The following DENND4C variants were observed in gnomAD, a reference collection of about 807,000 sequenced individuals.
DENND4C encodes DENN domain-containing protein 4C.
A neutral mutation model predicts 203.0 loss-of-function variants in DENND4C; 108 were observed. That is an observed-to-expected ratio of 0.53 (90% CI 0.46 to 0.62). The LOEUF (loss-of-function observed/expected upper bound fraction) is 0.62, where lower values mean the gene tolerates loss of function less well. Ranked by LOEUF, DENND4C falls within the 20% of genes least tolerant of loss-of-function variation. The pLI, the probability that DENND4C is intolerant of heterozygous loss-of-function variation, is 0.00. For synonymous variants in DENND4C, 871 were observed against 792.4 expected (o/e 1.10, Z -1.67); for missense variants, 2,481 against 2,301.2 (o/e 1.08, Z -1.60).
At chr9:19,315,599 GTATA>G (rs900901713) in intron 10 of DENND4C, among the ~76,000 whole-genome samples, 6 of 149,890 alleles carry the variant, frequency 4.0e-5, no homozygotes, top group African/African-American at 9.8e-5. Flanking sequence ...GTATGTGTGT[GTATA>G]TATATACACA....
Position 19,335,110 on chromosome 9 carries a change from G to A in DENND4C, c.2589+5G>A. ...ACTTATGGTTATTATAATAAGGTAAGTAGGATCGACATTAGGCAAGATGTG... is the reference window on the plus strand; with the variant it reads ...ACTTATGGTTATTATAATAAGGTAAATAGGATCGACATTAGGCAAGATGTG... On this transcript the variant is annotated splice_donor_5th_base_variant and intron_variant, in intron 18 of 32. Coordinates refer to ENST00000434457, the MANE Select transcript of DENND4C (RefSeq NM_001330640.2). 1 of 1,564,660 alleles carries A rather than the reference G, an allele frequency of 6.4e-7. No homozygotes were observed. The highest frequency in any genetic ancestry group is 8.7e-7 in the Non-Finnish European group (1 of 1,155,724).
intron 20 of DENND4C, among the ~76,000 whole-genome samples, chr9:19,340,487 G>A (rs1300471655): frequency 6.6e-6 from 1 of 151,460 alleles, no homozygotes; most frequent in Non-Finnish European, 1.5e-5. Flanking sequence ...TTTTTAACAT[G>A]CAGAAGTGTA....
At chr9:19,255,036 C>T (rs913224202) in intron 1 of DENND4C, among the ~76,000 whole-genome samples, 1 of 151,884 alleles carries the variant, frequency 6.6e-6, no homozygotes, top group African/African-American at 2.4e-5. Context: ...TCCAGCGACT[C>T]GGGAGACTGA....
intron 26 of DENND4C, among the ~76,000 whole-genome samples, chr9:19,354,865 A>T (rs1825027338): frequency 3.3e-5 from 5 of 149,582 alleles, no homozygotes; most frequent in Non-Finnish European, 7.4e-5. Context: ...ATTTTCTATG[A>T]ATTGGTTGCT....
Position 19,371,805 on chromosome 9 carries a change from G to T in DENND4C, c.5725G>T (p.Glu1909Ter). The change falls in exon 32 of 33, where the codon GAG becomes TAG. Residue 1909 changes from glutamate to a stop codon, truncating the protein, a stop_gained. Transcript: ENST00000434457. LOFTEE classifies it high-confidence loss of function. ...CTTATCATTAGTGTCTCTAGGAAGA[G>T]AGAATATTGATATTGGTAAGTTGGT... is the stretch of plus-strand genomic sequence containing the variant. ...LFLSLVSLGRENIDIEAFDNE... is the reference protein window; with the variant it reads ...LFLSLVSLGR 1.4e-6 allele frequency: 2 copies of T among 1,454,770 alleles called. No homozygotes were observed. Among genetic ancestry groups the T allele is most frequent in the South Asian group, 2.4e-5 (2 of 81,904 alleles). 90.1% of individuals were successfully genotyped at this position (1,454,770 alleles called of 1,614,324 possible).
intron 23 of DENND4C, among the ~76,000 whole-genome samples, chr9:19,347,828 T>A (rs1554641726): frequency 6.6e-6 from 1 of 152,192 alleles, no homozygotes; most frequent in Non-Finnish European, 1.5e-5. Flanking sequence ...ACCTATGTAA[T>A]CTCCTTAATA....
intron 31 of DENND4C, 156 bp from the exon 32 acceptor site, chr9:19,371,600 A>G (rs1828843570): frequency 2.2e-6 from 1 of 461,446 alleles, no homozygotes; most frequent in Non-Finnish European, 3.9e-6. Context: ...GACACCTCAT[A>G]TAACTAACTG....
At chr9:19,276,883 T>C (rs561564405) in intron 2 of DENND4C, among the ~76,000 whole-genome samples, 157 of 152,258 alleles carry the variant, frequency 1.0e-3, no homozygotes, top group African/African-American at 3.8e-3. Flanking sequence ...CTTGTTTAAC[T>C]AAAGAGCAGT....
chr9:19,286,833 G>A lies in DENND4C; in HGVS notation c.370G>A (p.Gly124Ser). ...GCEVILATPY[G>S]RCANVNNSST... ...TGAAGTGATCCTAGCCACACCCTAT[G>A]GTCGCTGTGCCAATGTCAACAATAG... The change falls in exon 3 of 33, where the codon GGT becomes AGT. Residue 124 changes from glycine to serine, a missense_variant. Around this residue, in one of 3 missense-constraint regions of DENND4C, gnomAD observed 187 missense variants for 167.4 expected, o/e 1.12. Coordinates refer to ENST00000434457, the MANE Select transcript of DENND4C (RefSeq NM_001330640.2). The A allele has an allele frequency of 8.1e-7, 1 of 1,232,074 alleles. No individual in the cohort carries two copies. The highest frequency in any genetic ancestry group is 1.0e-6 in the Non-Finnish European group (1 of 987,940). 76.3% of individuals were successfully genotyped at this position (1,232,074 alleles called of 1,614,324 possible). A position where few individuals can be genotyped will look rare whatever the true frequency, so the allele number is the denominator to read the frequency against.
At chr9:19,258,970 T>A (rs1476384834) in intron 1 of DENND4C, among the ~76,000 whole-genome samples, 1 of 152,146 alleles carries the variant, frequency 6.6e-6, no homozygotes, top group African/African-American at 2.4e-5. Context: ...TTTAAGTTTT[T>A]ATGGGTACAT....
At chr9:19,336,464 T>A in intron 19 of DENND4C, 50 bp downstream of exon 19, 1 of 1,560,420 alleles carries the variant, frequency 6.4e-7, no homozygotes, top group Admixed American at 2.0e-5. Flanking sequence ...ATGAGCTTTA[T>A]AGGCATATGA....
chr9:19,372,321 T>C lies in DENND4C; in HGVS notation c.*148T>C, dbSNP rs879690890. ...ACAATATATAATGAATTATGATTCA[T>C]ATTGCATTACCTTGAAATATGAAGT... On this transcript the variant is annotated 3_prime_UTR_variant, in exon 33 of 33. Coordinates refer to ENST00000434457, the MANE Select transcript of DENND4C (RefSeq NM_001330640.2). 1.7e-4 allele frequency: 160 copies of C among 960,796 alleles called. No homozygotes were observed. The highest frequency in any genetic ancestry group is 3.5e-4 in the Admixed American group (12 of 34,064). 59.5% of individuals were successfully genotyped at this position (960,796 alleles called of 1,614,324 possible).
intron 13 of DENND4C, among the ~76,000 whole-genome samples, chr9:19,325,723 CA>C (rs1024823676): frequency 6.6e-6 from 1 of 152,116 alleles, no homozygotes; most frequent in Non-Finnish European, 1.5e-5. Flanking sequence ...GTTTACAAAA[CA>C]ACTAATCAAA....
At chr9:19,327,822 A>T (rs1818141740) in intron 15 of DENND4C, among the ~76,000 whole-genome samples, 1 of 152,122 alleles carries the variant, frequency 6.6e-6, no homozygotes, top group Admixed American at 6.5e-5. Flanking sequence ...GAAAATAACA[A>T]ATAGGGTGGG....
At chr9:19,308,476 G>T (rs74750315) in intron 10 of DENND4C, among the ~76,000 whole-genome samples, 3,207 of 152,172 alleles carry the variant, frequency 0.021, 122 homozygotes, top group African/African-American at 0.073. Flanking sequence ...CTGTGAATTG[G>T]ATGTTCCTTT....
In DENND4C at chr9:19,358,223, T is replaced by C. The variant is rs1825793774; in HGVS notation, c.5160+63T>C. ...CACACCTAAGTATATAGTAGAACATTATAAATTCTTCTGTAGTGGACTTAT... is the reference window on the plus strand; with the variant it reads ...CACACCTAAGTATATAGTAGAACATCATAAATTCTTCTGTAGTGGACTTAT... On this transcript the variant is annotated intron_variant, in intron 28 of 32. Coordinates refer to ENST00000434457, the MANE Select transcript of DENND4C (RefSeq NM_001330640.2). The surrounding 1 kb of genome is among the most constrained non-coding windows in gnomAD (Gnocchi z 4.8). 2.3e-6 allele frequency: 3 copies of C among 1,316,944 alleles called. No homozygotes were observed. Among genetic ancestry groups the C allele is most frequent in the Non-Finnish European group, 1.0e-6 (1 of 969,366 alleles). The allele number at this position is 1,316,944 out of a possible 1,614,324, so 81.6% of individuals were successfully genotyped here.
At chr9:19,325,840 A>G (rs546321864) in intron 13 of DENND4C, 99 bp from the exon 14 acceptor site, 1 of 1,140,928 alleles carries the variant, frequency 8.8e-7, no homozygotes, top group South Asian at 1.4e-5. Flanking sequence ...GCTGGTACTG[A>G]AAAGGGGTAG....
chr9:19,326,309 G>C, intron 15 of DENND4C, 115 bp downstream of exon 15: 1 of 1,085,044 alleles, frequency 9.2e-7, no homozygotes, highest in Non-Finnish European at 1.3e-6. Flanking sequence ...TTAGTTCAGT[G>C]AACTAATGTA....
At chr9:19,312,095 A>G (rs1029429661) in intron 10 of DENND4C, among the ~76,000 whole-genome samples, 1 of 151,918 alleles carries the variant, frequency 6.6e-6, no homozygotes, top group Admixed American at 6.6e-5. Flanking sequence ...ATCACAAAAG[A>G]TATTTTGTTT....
Sources: gnomAD v4.1 joint callset for allele counts (sites outside exome capture counted in the v4.1 genomes callset) on GRCh38, gnomAD v4.1.1 for gene constraint, gnomAD v4.1.1 regional missense constraint, Gnocchi (gnomAD v3.1) non-coding constraint, MANE v1.5 for transcripts, NCBI Gene and HGNC (gene_info 2026-07-23, HGNC 2026-07-21) for gene names.